Variants in SAGE1 observed in about 807,000 individuals in gnomAD.
The protein encoded by SAGE1 is cancer/testis antigen 14.
A neutral mutation model predicts 55.4 loss-of-function variants in SAGE1; 55 were observed. That is an observed-to-expected ratio of 0.99 (90% CI 0.80 to 1.24). SAGE1 has a LOEUF of 1.24. Among genes scored for constraint, SAGE1 ranks in the 50% most tolerant of loss-of-function variants. The probability of loss-of-function intolerance (pLI) is 0.00; values close to 1 mark genes in which losing one functional copy is unlikely to be tolerated. For synonymous variants in SAGE1, 240 were observed against 244.3 expected (o/e 0.98, Z 0.17); for missense variants, 710 against 704.4 (o/e 1.01, Z -0.09).
Position 135,907,411 on chromosome X carries a change from T to C in SAGE1, c.976T>C (p.Leu326=), listed in dbSNP as rs1556602473. ...AACTGTTCAACCAGTGATTATTTATTTGACAGCAACTGGTATTCCGGGCAT... is the reference window on the plus strand; with the variant it reads ...AACTGTTCAACCAGTGATTATTTATCTGACAGCAACTGGTATTCCGGGCAT... The part of the protein sequence containing the change: ...LSTVQPVIIY[L]TATGIPGMNT... Residue 326 remains leucine, a synonymous_variant, in exon 9 of 20, where the codon TTG becomes CTG. Coordinates refer to ENST00000370709, the MANE Select transcript of SAGE1 (RefSeq NM_001381902.1). 6 of 1,207,487 alleles carry C rather than the reference T, an allele frequency of 5.0e-6. No homozygotes were observed. The highest frequency in any genetic ancestry group is 6.7e-6 in the Non-Finnish European group (6 of 893,065).
In SAGE1 at chrX:135,911,590, A is replaced by G; in HGVS notation, c.2158A>G (p.Ile720Val). 2 of 1,200,205 alleles carry G rather than the reference A, an allele frequency of 1.7e-6. No individual in the cohort carries two copies. Among genetic ancestry groups the G allele is most frequent in the East Asian group, 3.0e-5 (1 of 33,720 alleles). Residue 720 changes from isoleucine to valine, a missense_variant, in exon 18 of 20, where the codon ATT becomes GTT. Ile to Val is a conservative substitution (Grantham distance 29). Coordinates refer to ENST00000370709, the MANE Select transcript of SAGE1 (RefSeq NM_001381902.1). ...RSTRDLYATV[I>V]HDIQEEEMEN... ...CATTTGGATTCCAGATGCTACTGTC[A>G]TTCACGATATCCAGGAGGAGGAGAT...
At chrX:135,899,758 G>A (rs184208601) in intron 2 of SAGE1, among the ~76,000 whole-genome samples, 1 of 110,222 alleles carries the variant, frequency 9.1e-6, no homozygotes, top group Admixed American at 9.7e-5. Context: ...TGTAGGAATT[G>A]TTAATGGGAG....
At chrX:135,907,906 G>A in intron 10 of SAGE1, 65 bp downstream of exon 10, 1 of 1,107,124 alleles carries the variant, frequency 9.0e-7, no homozygotes, top group South Asian at 2.0e-5. Context: ...TGTCATCAAG[G>A]GAAGAAGACG....
chrX:135,899,405 A>G (rs2088634980), intron 2 of SAGE1, among the ~76,000 whole-genome samples: 1 of 112,056 alleles, frequency 8.9e-6, no homozygotes, highest in Non-Finnish European at 1.9e-5. Context: ...GCCCTGTAGT[A>G]TAGTTTGAAG....
rs1556605355 is a variant in SAGE1 at position 135,910,087 on chromosome X, C to G, written c.1781C>G (p.Ser594Cys). Residue 594 changes from serine to cysteine, a missense_variant, in exon 15 of 20, where the codon TCC becomes TGC. Transcript: ENST00000370709. ...EEKIKNGQAASDNVFSTVPPA... is the reference protein window; with the variant it reads ...EEKIKNGQAACDNVFSTVPPA... ...AAGATTAAAAATGGCCAAGCAGCAT[C>G]CGATAATGTCTTCTCGACTGTTCCA... The G allele has an allele frequency of 8.3e-6, 10 of 1,205,876 alleles. No homozygotes were observed. Among genetic ancestry groups the G allele is most frequent in the East Asian group, 3.0e-5 (1 of 33,803 alleles).
chrX:135,911,602 C>T lies in SAGE1; in HGVS notation c.2170C>T (p.Gln724Ter), dbSNP rs2088899565. The T allele has an allele frequency of 8.3e-7, 1 of 1,204,531 alleles. No individual in the cohort carries two copies. Among genetic ancestry groups the T allele is most frequent in the Non-Finnish European group, 1.1e-6 (1 of 889,931 alleles). The change falls in exon 18 of 20, where the codon CAG becomes TAG. Residue 724 changes from glutamine to a stop codon, truncating the protein, a stop_gained. Transcript: ENST00000370709. LOFTEE classifies it high-confidence loss of function. Reference sequence around the variant, plus strand: ...AGATGCTACTGTCATTCACGATATCCAGGAGGAGGAGATGGAAAATGATCA... The same window carrying T: ...AGATGCTACTGTCATTCACGATATCTAGGAGGAGGAGATGGAAAATGATCA... ...DLYATVIHDI[Q>*]EEEMENDQTP...
intron 3 of SAGE1, among the ~76,000 whole-genome samples, chrX:135,902,070 T>C (rs1440866727): frequency 5.4e-5 from 6 of 111,984 alleles, no homozygotes; most frequent in Non-Finnish European, 1.1e-4. Context: ...ACGGAAAGCT[T>C]CTTGGGTCCC....
In SAGE1 at chrX:135,909,706, C is replaced by A; in HGVS notation, c.1650C>A (p.Asp550Glu). Residue 550 changes from aspartate to glutamate, a missense_variant, in exon 14 of 20, where the codon GAC (aspartate) becomes GAA (glutamate). Coordinates refer to ENST00000370709, the MANE Select transcript of SAGE1 (RefSeq NM_001381902.1). ...MENNQPQPSY[D>E]LSTVLPGLTY... is the part of the protein sequence containing the mutation. ...ATAACCAACCACAACCTAGTTATGA[C>A]TTGTCAACTGTTCTACCAGGACTTA... 1 of 1,202,751 alleles carries A rather than the reference C, an allele frequency of 8.3e-7. No homozygotes were observed. The highest frequency in any genetic ancestry group is 1.1e-6 in the Non-Finnish European group (1 of 888,880).
At chrX:135,907,225 T>G in intron 8 of SAGE1, 88 bp from the exon 9 acceptor site, 1 of 1,088,924 alleles carries the variant, frequency 9.2e-7, no homozygotes, top group Non-Finnish European at 1.2e-6. Context: ...ATGCAATAAT[T>G]TCTTAGAAGC....
chrX:135,906,305 A>G, intron 6 of SAGE1, 106 bp from the exon 7 acceptor site: 1 of 1,091,480 alleles, frequency 9.2e-7, no homozygotes, highest in Non-Finnish European at 1.2e-6. Flanking sequence ...GATATATCCT[A>G]CTGCTTTATG....
intron 8 of SAGE1, 24 bp downstream of exon 8, chrX:135,907,090 T>C (rs371028474): frequency 1.7e-6 from 2 of 1,190,752 alleles, no homozygotes; most frequent in African/African-American, 3.5e-5. Context: ...TTAATTGGAT[T>C]ATCCTGCTTG....
chrX:135,908,556 T>C lies in SAGE1; in HGVS notation c.1380T>C (p.Val460=), dbSNP rs1283161453. ...QRKQDNVLSN[V]LSGLINMAGA... is the part of the protein sequence containing the mutation. ...AACAGGATAACGTCTTGTCAAATGTTCTATCCGGGCTTATTAATATGGCAG... is the reference window on the plus strand; with the variant it reads ...AACAGGATAACGTCTTGTCAAATGTCCTATCCGGGCTTATTAATATGGCAG... Residue 460 remains valine (V), a synonymous_variant, in exon 12 of 20, where the codon GTT becomes GTC. Transcript: ENST00000370709. 1 of 1,206,565 alleles carries C rather than the reference T, an allele frequency of 8.3e-7. No individual in the cohort carries two copies.
At chrX:135,900,540 T>C (rs1477852063) in intron 2 of SAGE1, among the ~76,000 whole-genome samples, 3 of 111,271 alleles carry the variant, frequency 2.7e-5, no homozygotes, top group Middle Eastern at 9.3e-3. Context: ...TTTTTAATTT[T>C]TTGGAATAGT....
chrX:135,912,779 A>T lies in SAGE1; in HGVS notation c.2616-19A>T. The T allele has an allele frequency of 8.3e-7, 1 of 1,202,278 alleles. No homozygotes were observed. Among genetic ancestry groups the T allele is most frequent in the South Asian group, 1.8e-5 (1 of 56,137 alleles). On this transcript the variant is annotated intron_variant, in intron 19 of 19. Coordinates refer to ENST00000370709, the MANE Select transcript of SAGE1 (RefSeq NM_001381902.1). ...CCTGTAGGTATCCTCTGGTGAATGG[A>T]ATACCTCTTTAATTTCAGGTTTAAA... is the stretch of plus-strand genomic sequence containing the variant.
At chrX:135,909,491 A>T in intron 13 of SAGE1, 148 bp from the exon 14 acceptor site, 1 of 562,725 alleles carries the variant, frequency 1.8e-6, no homozygotes. Flanking sequence ...TCGTTTCTGG[A>T]CTAAATTTGA....
intron 3 of SAGE1, 57 bp from the exon 4 acceptor site, chrX:135,904,420 T>TGTGCCATTGAC: frequency 5.5e-6 from 4 of 728,900 alleles, no homozygotes; most frequent in Middle Eastern, 2.9e-4. Flanking sequence ...GGGGCATGCC[T>TGTGCCATTGAC]GTGCCATTGA....
chrX:135,897,162 A>C, intron 2 of SAGE1, among the ~76,000 whole-genome samples: 1 of 112,298 alleles, frequency 8.9e-6, no homozygotes, highest in Non-Finnish European at 1.9e-5. Flanking sequence ...GTGGAATATG[A>C]AGCACTAGGT....
In SAGE1 at chrX:135,911,910, T is replaced by A; in HGVS notation, c.2478T>A (p.Asp826Glu). The change falls in exon 18 of 20, where the codon GAT becomes GAA. Residue 826 changes from aspartate to glutamate, a missense_variant. Coordinates refer to ENST00000370709, the MANE Select transcript of SAGE1 (RefSeq NM_001381902.1). ...SPAMAKKIND[D>E]IKYQLMKEVR... The stretch of plus-strand genomic sequence containing the variant: ...CCATGGCAAAGAAAATTAATGATGA[T>A]ATAAAATATCAATTAATGAAAGAAG... 2.5e-6 allele frequency: 3 copies of A among 1,209,002 alleles called. No individual in the cohort carries two copies. Among genetic ancestry groups the A allele is most frequent in the Non-Finnish European group, 3.4e-6 (3 of 893,198 alleles).
intron 2 of SAGE1, among the ~76,000 whole-genome samples, chrX:135,900,269 A>C (rs1442656996): frequency 9.0e-6 from 1 of 111,420 alleles, no homozygotes; most frequent in Non-Finnish European, 1.9e-5. Context: ...TTTTGTCTTT[A>C]GTTCTGTTTA....
Sources: allele counts gnomAD v4.1 joint callset (sites outside exome capture counted in the v4.1 genomes callset), GRCh38; gene constraint gnomAD v4.1.1; transcripts MANE v1.5; gene names NCBI Gene and HGNC (gene_info 2026-07-23, HGNC 2026-07-21).